RSPO4: variants seen among roughly 807,000 people sequenced by gnomAD.
RSPO4 encodes R-spondin 4, also known as R-spondin-4.
RSPO4 carries 23 observed loss-of-function variants against 24.8 expected under a neutral mutation model. The ratio of observed to expected loss-of-function variants is 0.93; its 90% CI spans 0.67 to 1.31. The LOEUF (loss-of-function observed/expected upper bound fraction) is 1.31, where lower values mean the gene tolerates loss of function less well. RSPO4 is among the 40% of genes most tolerant of loss of function. The pLI is 0.00. For synonymous variants in RSPO4, 141 were observed against 127.4 expected, an observed-to-expected ratio of 1.11 and a Z score of -0.72; for missense variants, 333 against 316.5, an observed-to-expected ratio of 1.05 and a Z score of -0.39.
Position 1,002,258 on chromosome 20 carries a change from T to C in RSPO4, c.-94A>G, listed in dbSNP as rs1985496381. The C allele has an allele frequency of 2.7e-6, 2 of 730,888 alleles. No homozygotes were observed. The highest frequency in any genetic ancestry group is 5.2e-5 in the East Asian group (1 of 19,334). 45.3% of individuals were successfully genotyped at this position (730,888 alleles called of 1,614,324 possible). ...GCGGCACGGCGGGCGCGGGGGCTGC[T>C]GTGGGCGCGCCGGGCGCATCCGCCA... On this transcript the variant is annotated 5_prime_UTR_variant, in exon 1 of 5. Coordinates refer to ENST00000217260, the MANE Select transcript of RSPO4 (RefSeq NM_001029871.4). This position sits in a 1 kb window ranked among gnomAD's most constrained non-coding sequence, Gnocchi z 4.6.
intron 1 of RSPO4, among the ~76,000 whole-genome samples, chr20:998,108 G>A (rs1985352576): frequency 6.6e-6 from 1 of 152,230 alleles, no homozygotes; most frequent in Non-Finnish European, 1.5e-5. Flanking sequence ...CCTGCTTAAT[G>A]TCACATATCT....
At chr20:995,803 C>T (rs1330983844) in intron 1 of RSPO4, among the ~76,000 whole-genome samples, 1 of 152,138 alleles carries the variant, frequency 6.6e-6, no homozygotes, top group Non-Finnish European at 1.5e-5. Context: ...GGGCTGAGCA[C>T]AGAAGATGGG....
intron 1 of RSPO4, among the ~76,000 whole-genome samples, chr20:983,852 C>T (rs886828429): frequency 2.0e-5 from 3 of 152,060 alleles, no homozygotes; most frequent in Non-Finnish European, 4.4e-5. Context: ...TCTGGTCTTG[C>T]GGACAAGGAA....
chr20:963,422 C>T (rs1455026554), intron 4 of RSPO4, among the ~76,000 whole-genome samples: 2 of 152,150 alleles, frequency 1.3e-5, no homozygotes, highest in South Asian at 2.1e-4. Flanking sequence ...TGGGAAATCG[C>T]ATCTCTGATG....
intron 1 of RSPO4, among the ~76,000 whole-genome samples, chr20:980,070 C>T (rs1016100890): frequency 2.6e-5 from 4 of 152,258 alleles, no homozygotes; most frequent in African/African-American, 2.4e-5. Context: ...CTTACCATTC[C>T]GCATAGAGGG....
At position 968,004 on chromosome 20, in the gene RSPO4, C is replaced by G. The variant is rs368559955; in HGVS notation, c.214G>C (p.Asp72His). The change falls in exon 2 of 5, where the codon GAC becomes CAC. Residue 72 changes from aspartate (D) to histidine (H), a missense_variant. By Grantham distance (81) the Asp-to-His change is moderately conservative. Transcript: ENST00000217260. Reference protein sequence around the residue: ...GIRQYGKCLHDCPPGYFGIRG... With the variant: ...GIRQYGKCLHHCPPGYFGIRG... ...ATGCCGAAGTACCCAGGGGGACAGT[C>G]GTGCAGGCACTTGCCGTACTGGCGG... 1.5e-5 allele frequency: 25 copies of G among 1,614,110 alleles called. No individual in the cohort carries two copies. The highest frequency in any genetic ancestry group is 1.9e-5 in the Non-Finnish European group (23 of 1,180,050).
At chr20:998,520 G>A (rs1985365298) in intron 1 of RSPO4, among the ~76,000 whole-genome samples, 2 of 152,336 alleles carry the variant, frequency 1.3e-5, no homozygotes, top group Non-Finnish European at 1.5e-5. Context: ...TTAAGACGCA[G>A]TGACGCCGGA....
At chr20:967,398 T>G in intron 2 of RSPO4, 84 bp from the exon 3 acceptor site, 3 of 1,451,920 alleles carry the variant, frequency 2.1e-6, no homozygotes, top group Non-Finnish European at 2.9e-6. Flanking sequence ...GAAGGCCCTC[T>G]GGGTAGCTCC....
At chr20:988,827 A>C (rs1418340296) in intron 1 of RSPO4, among the ~76,000 whole-genome samples, 1 of 152,208 alleles carries the variant, frequency 6.6e-6, no homozygotes, top group Non-Finnish European at 1.5e-5. Flanking sequence ...CTGGGATAAC[A>C]GGCGAGAGCC....
Position 967,265 on chromosome 20 carries a change from C to A in RSPO4, c.318G>T (p.Arg106=). The A allele has an allele frequency of 6.2e-7, 1 of 1,614,250 alleles. No homozygotes were observed. The highest frequency in any genetic ancestry group is 8.5e-7 in the Non-Finnish European group (1 of 1,180,044). ...ESCFSQDFCI[R]CKRQFYLYKG... ...TGTACAAGTAAAACTGCCTCTTGCA[C>A]CGGATGCAGAAGTCCTGGCTGAAGC... is the stretch of plus-strand genomic sequence containing the variant. The change falls in exon 3 of 5, where the codon CGG becomes CGT. Residue 106 remains arginine, a synonymous_variant. Transcript: ENST00000217260.
At chr20:993,441 C>T (rs1415473162) in intron 1 of RSPO4, among the ~76,000 whole-genome samples, 2 of 152,156 alleles carry the variant, frequency 1.3e-5, no homozygotes, top group Non-Finnish European at 2.9e-5. Context: ...TGCTGTTCCA[C>T]CGGGCTAGGA....
intron 1 of RSPO4, among the ~76,000 whole-genome samples, chr20:976,726 C>T (rs759539591): frequency 2.6e-5 from 4 of 152,066 alleles, no homozygotes; most frequent in East Asian, 1.9e-4. Flanking sequence ...TAGGCAAGCT[C>T]GTCTCCTCAG....
At chr20:975,291 T>C (rs747680635) in intron 1 of RSPO4, among the ~76,000 whole-genome samples, 1 of 152,170 alleles carries the variant, frequency 6.6e-6, no homozygotes, top group Non-Finnish European at 1.5e-5. Flanking sequence ...TTGGCCTCTG[T>C]CGCTGTCCTC....
At chr20:979,181 C>T (rs1392722847) in intron 1 of RSPO4, among the ~76,000 whole-genome samples, 1 of 152,156 alleles carries the variant, frequency 6.6e-6, no homozygotes, top group East Asian at 1.9e-4. Context: ...CCGTTCCCTG[C>T]TCCTGCCCTG....
At chr20:975,948 C>G (rs1336819473) in intron 1 of RSPO4, among the ~76,000 whole-genome samples, 1 of 152,156 alleles carries the variant, frequency 6.6e-6, no homozygotes, top group African/African-American at 2.4e-5. Context: ...TAAACTGAAG[C>G]TACCATTATT....
At chr20:966,449 G>A (rs1568907525) in intron 3 of RSPO4, among the ~76,000 whole-genome samples, 1 of 150,842 alleles carries the variant, frequency 6.6e-6, no homozygotes, top group Non-Finnish European at 1.5e-5. Flanking sequence ...ATGTTCTATT[G>A]TCTTTTTTTT....
chr20:985,984 G>A (rs901943355), intron 1 of RSPO4, among the ~76,000 whole-genome samples: 42 of 152,374 alleles, frequency 2.8e-4, no homozygotes, highest in African/African-American at 7.9e-4. Flanking sequence ...GAGGCAGCCT[G>A]CATTGCCACC....
At chr20:975,722 C>T (rs2122230511) in intron 1 of RSPO4, among the ~76,000 whole-genome samples, 1 of 152,336 alleles carries the variant, frequency 6.6e-6, no homozygotes, top group Non-Finnish European at 1.5e-5. Context: ...TCAACAATTA[C>T]TGAGCCCCTA....
intron 1 of RSPO4, 61 bp from the exon 2 acceptor site, chr20:968,199 A>G: frequency 6.7e-7 from 1 of 1,498,488 alleles, no homozygotes; most frequent in Non-Finnish European, 9.3e-7. Flanking sequence ...CAAACCATAT[A>G]TGCGAGCAGC....
Sources: allele counts gnomAD v4.1 joint callset (sites outside exome capture counted in the v4.1 genomes callset), GRCh38; gene constraint gnomAD v4.1.1; non-coding constraint Gnocchi (gnomAD v3.1); transcripts MANE v1.5; gene names NCBI Gene and HGNC (gene_info 2026-07-23, HGNC 2026-07-21).